Variants in ZNF670 observed in about 807,000 individuals in gnomAD.
ZNF670 encodes zinc finger protein 670.
Under a neutral mutation model 10.9 loss-of-function variants are expected in ZNF670, and 7 were observed. The observed-to-expected ratio is 0.64, with a 90% confidence interval of 0.36 to 1.20. The LOEUF is 1.20. Among genes scored for constraint, ZNF670 ranks in the 50% most tolerant of loss-of-function variants. The pLI is 0.02. For missense variants in ZNF670, 446 were observed against 458.6 expected (o/e 0.97, Z 0.25); for synonymous variants, 136 against 152.7 (o/e 0.89, Z 0.81).
At chr1:247,057,666 A>C (rs952732475) in intron 1 of ZNF670, among the ~76,000 whole-genome samples, 1 of 152,230 alleles carries the variant, frequency 6.6e-6, no homozygotes. Flanking sequence ...AAAAAGAATG[A>C]GATCCATTCA....
intron 1 of ZNF670, among the ~76,000 whole-genome samples, chr1:247,056,601 C>T (rs1289511713): frequency 6.6e-6 from 1 of 152,102 alleles, no homozygotes; most frequent in Non-Finnish European, 1.5e-5. Context: ...AATAACGCAT[C>T]TTAAAAAACT....
rs754690554 is a variant in ZNF670 at position 247,046,683 on chromosome 1, C to A, written c.4-7146G>T. Reference sequence around the variant, plus strand: ...GAGAAATGTGAGGATGAAGCCCCCACACAGAGTCCCCACAGTGGCACTGCC... The same window carrying A: ...GAGAAATGTGAGGATGAAGCCCCCAAACAGAGTCCCCACAGTGGCACTGCC... On this transcript the variant is annotated intron_variant, in intron 1 of 3. Transcript: ENST00000366503. 1.7e-4 allele frequency among the ~76,000 whole-genome samples: 26 copies of A among 152,300 alleles called. No homozygotes were observed. The Middle Eastern group carries it at 0.01, about 60-fold the overall frequency.
intron 1 of ZNF670, among the ~76,000 whole-genome samples, chr1:247,059,099 T>C (rs1670791442): frequency 1.3e-5 from 2 of 151,084 alleles, no homozygotes; most frequent in South Asian, 4.2e-4. Context: ...GAAAAAAAAA[T>C]CTCATAATCA....
intron 1 of ZNF670, among the ~76,000 whole-genome samples, chr1:247,076,318 G>A (rs977884007): frequency 5.3e-5 from 8 of 149,778 alleles, no homozygotes; most frequent in South Asian, 2.1e-4. Context: ...GTGCAGTGGC[G>A]TGATCTCAGC....
chr1:247,074,229 C>T (rs890929523), intron 1 of ZNF670, among the ~76,000 whole-genome samples: 1 of 152,082 alleles, frequency 6.6e-6, no homozygotes, highest in Non-Finnish European at 1.5e-5. Flanking sequence ...GAACAAAATA[C>T]TTGCTAACCA....
At chr1:247,042,875 T>C in intron 1 of ZNF670, 1 of 633,892 alleles carries the variant, frequency 1.6e-6, no homozygotes, top group Non-Finnish European at 2.9e-6. Context: ...GTACTGTAAC[T>C]GGCTCAACTA....
At chr1:247,043,068 AG>A in intron 1 of ZNF670, 1 of 1,123,028 alleles carries the variant, frequency 8.9e-7, no homozygotes, top group Non-Finnish European at 1.3e-6. Context: ...AACACAATAC[AG>A]TGAGGCTGGG....
intron 1 of ZNF670, among the ~76,000 whole-genome samples, chr1:247,074,384 G>A (rs142061592): frequency 1.1e-3 from 166 of 151,544 alleles, no homozygotes; most frequent in African/African-American, 3.9e-3. Flanking sequence ...GAATCCATCC[G>A]GCCCTCTTCC....
intron 1 of ZNF670, among the ~76,000 whole-genome samples, chr1:247,061,268 G>A (rs370287004): frequency 6.0e-5 from 9 of 148,914 alleles, no homozygotes; most frequent in Non-Finnish European, 1.0e-4. Flanking sequence ...TGCAACCTCC[G>A]CCTCCTGGGT....
At position 247,035,467 on chromosome 1, in the gene ZNF670, A is replaced by C. The variant is rs532004155; in HGVS notation, c.*1982T>G. On this transcript the variant is annotated 3_prime_UTR_variant, in exon 4 of 4. Transcript: ENST00000366503. ...TCATAAGGATGCAATTGGTTTGTTT[A>C]AATGCATCTGTGGAATGGTAGGCAA... Among the ~76,000 whole-genome samples the C allele has an allele frequency of 8.5e-5, 13 of 152,316 alleles. No homozygotes were observed. Among genetic ancestry groups the C allele is most frequent in the Admixed American group, 2.6e-4 (4 of 15,296 alleles).
chr1:247,075,806 AAACT>A (rs1232018784), intron 1 of ZNF670, among the ~76,000 whole-genome samples: 2 of 152,214 alleles, frequency 1.3e-5, no homozygotes, highest in African/African-American at 4.8e-5. Context: ...GCATGAAAAC[AAACT>A]AATACACATT....
chr1:247,034,827 GAGC>G lies in ZNF670; in HGVS notation c.*2619_*2621del, dbSNP rs1670108717. On this transcript the variant is annotated 3_prime_UTR_variant, in exon 4 of 4. Transcript: ENST00000366503. ...AACCAAACGAGATGCAGTTACCACA[GAGC>G]AGTAGTCTGACTTTTGATAATCAGG... Among the ~76,000 whole-genome samples, 1 of 152,198 alleles carries G rather than the reference GAGC, an allele frequency of 6.6e-6. No homozygotes were observed. The highest frequency in any genetic ancestry group is 1.5e-5 in the Non-Finnish European group (1 of 68,042).
chr1:247,038,050 G>A lies in ZNF670; in HGVS notation c.569C>T (p.Thr190Ile). Residue 190 changes from threonine to isoleucine, a missense_variant, in exon 4 of 4, where the codon ACT becomes ATT. Transcript: ENST00000366503. ...FPSVFQMPQSTYTGEKTYKCK... is the reference protein window; with the variant it reads ...FPSVFQMPQSIYTGEKTYKCK... ...TTTATATGTTTTCTCTCCAGTGTAAGTGCTCTGAGGCATTTGAAATACACT... is the reference window on the plus strand; with the variant it reads ...TTTATATGTTTTCTCTCCAGTGTAAATGCTCTGAGGCATTTGAAATACACT... 6.2e-7 allele frequency: 1 copy of A among 1,614,154 alleles called. No individual in the cohort carries two copies.
chr1:247,054,772 A>C (rs1670677953), intron 1 of ZNF670, among the ~76,000 whole-genome samples: 1 of 152,220 alleles, frequency 6.6e-6, no homozygotes, highest in African/African-American at 2.4e-5. Context: ...TGAGAAAAGC[A>C]GAGTAAAAAG....
At chr1:247,043,190 C>A in intron 1 of ZNF670, 1 of 738,112 alleles carries the variant, frequency 1.4e-6, no homozygotes. Flanking sequence ...GCTGGACCCT[C>A]ATGACAAGGG....
At chr1:247,056,785 T>C (rs1670726098) in intron 1 of ZNF670, among the ~76,000 whole-genome samples, 1 of 152,116 alleles carries the variant, frequency 6.6e-6, no homozygotes, top group Non-Finnish European at 1.5e-5. Flanking sequence ...CTGGAAAAAC[T>C]GGATATCCAC....
intron 1 of ZNF670, among the ~76,000 whole-genome samples, chr1:247,044,576 C>A (rs962733462): frequency 1.1e-4 from 17 of 152,146 alleles, no homozygotes; most frequent in Admixed American, 2.0e-4. Context: ...CAATAGTGGA[C>A]TGGATTTTTT....
chr1:247,064,152 C>T (rs74155753), intron 1 of ZNF670, among the ~76,000 whole-genome samples: 3,421 of 152,284 alleles, frequency 0.022, 134 homozygotes, highest in African/African-American at 0.076. Flanking sequence ...CAGAATGTCA[C>T]GGGTGTCCCT....
chr1:247,059,307 G>A (rs904348739), intron 1 of ZNF670, among the ~76,000 whole-genome samples: 13 of 151,936 alleles, frequency 8.6e-5, no homozygotes, highest in African/African-American at 2.7e-4. Context: ...TTAGCCGGGC[G>A]TGGTGGAGGG....
Sources: allele counts gnomAD v4.1 joint callset (sites outside exome capture counted in the v4.1 genomes callset), GRCh38; gene constraint gnomAD v4.1.1; transcripts MANE v1.5; gene names NCBI Gene and HGNC (gene_info 2026-07-23, HGNC 2026-07-21).